Variants in TNFSF13B observed in about 807,000 individuals in gnomAD.
TNFSF13B encodes the protein TNF superfamily member 13b.
Under a neutral mutation model 29.1 loss-of-function variants are expected in TNFSF13B, and 8 were observed. That is an observed-to-expected ratio of 0.27 (90% confidence interval 0.16 to 0.50). TNFSF13B has a LOEUF of 0.50. TNFSF13B is among the 20% of genes least tolerant of loss of function. The pLI, the probability that TNFSF13B is intolerant of heterozygous loss-of-function variation, is 0.98. For synonymous variants in TNFSF13B, 125 were observed against 130.8 expected (o/e 0.96, Z 0.30); for missense variants, 248 against 334.9 (o/e 0.74, Z 2.03).
rs555868831 is a variant in TNFSF13B at position 108,292,948 on chromosome 13, C to CT, written c.481+6097dup. Among the ~76,000 whole-genome samples the CT allele has an allele frequency of 2.6e-4, 40 of 152,040 alleles. No individual in the cohort carries two copies. In the South Asian group the frequency reaches 5.8e-3, roughly 22 times the overall value. On this transcript the variant is annotated intron_variant, in intron 3 of 5. Coordinates refer to ENST00000375887, the MANE Select transcript of TNFSF13B (RefSeq NM_006573.5). ...ATCAGATAAATGAAGTAAAATTTAT[C>CT]TTTTTTTTGTTTCTTGTGATTTTAG...
At chr13:108,275,160 T>C (rs1277687518) in intron 2 of TNFSF13B, among the ~76,000 whole-genome samples, 1 of 152,136 alleles carries the variant, frequency 6.6e-6, no homozygotes, top group Non-Finnish European at 1.5e-5. Flanking sequence ...AGCCCGTAAC[T>C]GTGTTTGGAG....
chr13:108,298,959 G>T (rs866421988), intron 3 of TNFSF13B, among the ~76,000 whole-genome samples: 1 of 145,430 alleles, frequency 6.9e-6, no homozygotes, highest in Non-Finnish European at 1.5e-5. Flanking sequence ...GACAGAGCAA[G>T]ACTTGGGAAA....
intron 3 of TNFSF13B, among the ~76,000 whole-genome samples, chr13:108,293,104 G>A (rs769376178): frequency 1.3e-5 from 2 of 152,014 alleles, no homozygotes; most frequent in Admixed American, 6.6e-5. Flanking sequence ...TGTATATGGT[G>A]TGAAGCAGAG....
chr13:108,289,682 T>C (rs1881251794), intron 3 of TNFSF13B, among the ~76,000 whole-genome samples: 1 of 150,306 alleles, frequency 6.7e-6, no homozygotes, highest in Admixed American at 6.7e-5. Flanking sequence ...TCTTATTGTA[T>C]TATACATAAC....
chr13:108,278,784 G>C (rs80184945), intron 2 of TNFSF13B, among the ~76,000 whole-genome samples: 1 of 126,592 alleles, frequency 7.9e-6, no homozygotes, highest in Non-Finnish European at 1.7e-5. Flanking sequence ...GAATAACTGC[G>C]CTGTGACAGC....
chr13:108,274,943 GTTTTACTTAATGT>G (rs1163799280), intron 2 of TNFSF13B, among the ~76,000 whole-genome samples: 1 of 152,072 alleles, frequency 6.6e-6, no homozygotes, highest in Non-Finnish European at 1.5e-5. Context: ...GTAAACAGTG[GTTTTACTTAATGT>G]TTTAATTTTA....
chr13:108,286,909 A>T (rs1881154722), intron 3 of TNFSF13B, 50 bp downstream of exon 3: 5 of 1,365,700 alleles, frequency 3.7e-6, no homozygotes, highest in South Asian at 2.5e-5. Flanking sequence ...TCCATCAATG[A>T]TAGACTGGAT....
At chr13:108,278,582 TCCTCCTCC>T in intron 2 of TNFSF13B, among the ~76,000 whole-genome samples, 2 of 143,524 alleles carry the variant, frequency 1.4e-5, no homozygotes, top group East Asian at 2.0e-4. Flanking sequence ...CCTCCTCTCC[TCCTCCTCC>T]CCTTCTCTTC....
chr13:108,296,004 T>C lies in TNFSF13B; in HGVS notation c.482-7249T>C, dbSNP rs1408713378. On this transcript the variant is annotated intron_variant, in intron 3 of 5. Transcript: ENST00000375887. ...ATATTTTAAAATTTAATGAGAATTATTTTGTTGCATAACATGGTCTATCTT... is the reference window on the plus strand; with the variant it reads ...ATATTTTAAAATTTAATGAGAATTACTTTGTTGCATAACATGGTCTATCTT... 1.4e-5 allele frequency among the ~76,000 whole-genome samples: 2 copies of C among 146,348 alleles called. 1 individual carries two copies. Among genetic ancestry groups the C allele is most frequent in the African/African-American group, 5.1e-5 (2 of 39,110 alleles).
intron 3 of TNFSF13B, among the ~76,000 whole-genome samples, chr13:108,295,869 A>T (rs1881447068): frequency 6.8e-6 from 1 of 146,270 alleles, no homozygotes; most frequent in South Asian, 2.1e-4. Context: ...AAGGTAGCTA[A>T]AATGAATGCT....
rs1201033902 is a variant in TNFSF13B at position 108,307,313 on chromosome 13, G to C, written c.*375G>C. 5.9e-6 allele frequency: 1 copy of C among 169,738 alleles called. No individual in the cohort carries two copies. Among genetic ancestry groups the C allele is most frequent in the Non-Finnish European group, 1.2e-5 (1 of 80,260 alleles). The allele number at this position is 169,738 out of a possible 1,614,324, so 10.5% of individuals were successfully genotyped here. A position where few individuals can be genotyped will look rare whatever the true frequency, so the allele number is the denominator to read the frequency against. The stretch of plus-strand genomic sequence containing the variant: ...AAACGTGGCATCCATAATTTACTAT[G>C]GAGCAAGTGCCCACATCTCTAGGAC... On this transcript the variant is annotated 3_prime_UTR_variant, in exon 6 of 6. Transcript: ENST00000375887.
At chr13:108,302,953 C>G in intron 3 of TNFSF13B, 1 of 717,718 alleles carries the variant, frequency 1.4e-6, no homozygotes, top group Non-Finnish European at 1.8e-6. Context: ...TCCAGATCAG[C>G]CTTTATTATG....
chr13:108,281,224 A>C (rs1270943338), intron 2 of TNFSF13B, among the ~76,000 whole-genome samples: 2 of 152,166 alleles, frequency 1.3e-5, no homozygotes, highest in Non-Finnish European at 2.9e-5. Context: ...CTGGGCAATA[A>C]GAGTAGAACT....
intron 3 of TNFSF13B, among the ~76,000 whole-genome samples, chr13:108,294,028 G>T (rs746085929): frequency 1.3e-5 from 2 of 152,160 alleles, no homozygotes; most frequent in South Asian, 4.1e-4. Flanking sequence ...CATAACGGAT[G>T]CTACTGTAAA....
At chr13:108,286,227 G>A (rs1881124141) in intron 2 of TNFSF13B, among the ~76,000 whole-genome samples, 1 of 152,178 alleles carries the variant, frequency 6.6e-6, no homozygotes, top group South Asian at 2.1e-4. Flanking sequence ...TCCTGAACAA[G>A]CTGTTTGCAC....
intron 5 of TNFSF13B, among the ~76,000 whole-genome samples, chr13:108,303,923 T>A (rs1415236452): frequency 6.6e-6 from 1 of 152,146 alleles, no homozygotes; most frequent in African/African-American, 2.4e-5. Flanking sequence ...GAGAAAAAAT[T>A]CTAATGTATT....
chr13:108,298,590 A>G (rs1413890405), intron 3 of TNFSF13B, among the ~76,000 whole-genome samples: 2 of 145,338 alleles, frequency 1.4e-5, no homozygotes, highest in African/African-American at 5.2e-5. Context: ...CTTATCCTTT[A>G]ATATTATGTT....
intron 3 of TNFSF13B, among the ~76,000 whole-genome samples, chr13:108,287,137 G>A (rs1449322840): frequency 8.3e-6 from 1 of 120,566 alleles, no homozygotes; most frequent in East Asian, 3.0e-4. Context: ...GGGGGAGGGG[G>A]GAGGGATAGC....
chr13:108,279,964 G>A (rs116122620), intron 2 of TNFSF13B, among the ~76,000 whole-genome samples: 188 of 152,002 alleles, frequency 1.2e-3, no homozygotes, highest in African/African-American at 4.3e-3. Flanking sequence ...CCCGGCCCGG[G>A]CACCAAGAAT....
Sources: gnomAD v4.1 joint callset for allele counts (sites outside exome capture counted in the v4.1 genomes callset) on GRCh38, gnomAD v4.1.1 for gene constraint, MANE v1.5 for transcripts, NCBI Gene and HGNC (gene_info 2026-07-23, HGNC 2026-07-21) for gene names.